TPGS2: variants seen among roughly 807,000 people sequenced by gnomAD.
The protein encoded by TPGS2 is tubulin polyglutamylase complex subunit 2, also known as polyglutamylase subunit 2.
A neutral mutation model predicts 31.1 loss-of-function variants in TPGS2; 26 were observed. The ratio of observed to expected loss-of-function variants is 0.84; its 90% confidence interval spans 0.61 to 1.16. TPGS2 has a LOEUF of 1.16. Ranked by LOEUF, TPGS2 falls within the 50% of genes most tolerant of loss-of-function variation. The pLI is 0.00. For synonymous variants in TPGS2, 130 were observed against 136.6 expected, an observed-to-expected ratio of 0.95 and a Z score of 0.34; for missense variants, 351 against 363.8, an observed-to-expected ratio of 0.96 and a Z score of 0.29.
rs112377921 is a variant in TPGS2 at position 36,802,104 on chromosome 18, A to G, written c.383-1793T>C. On this transcript the variant is annotated intron_variant, in intron 4 of 6. Coordinates refer to ENST00000334295, the MANE Select transcript of TPGS2 (RefSeq NM_015476.4). ...AATAATCCAAACCACTGCATTTTTC[A>G]TATCAGTGCTTGAAAATCACTGTTT... Among the ~76,000 whole-genome samples the G allele has an allele frequency of 5.2e-3, 786 of 152,314 alleles. 7 individuals carry two copies. The highest frequency in any genetic ancestry group is 0.018 in the African/African-American group (748 of 41,560).
intron 4 of TPGS2, among the ~76,000 whole-genome samples, chr18:36,803,565 C>G (rs937928617): frequency 6.6e-6 from 1 of 152,236 alleles, no homozygotes; most frequent in Non-Finnish European, 1.5e-5. Context: ...GCCTTTCCAT[C>G]TATTTTCTCT....
intron 4 of TPGS2, among the ~76,000 whole-genome samples, chr18:36,800,564 G>A (rs532068166): frequency 1.3e-4 from 20 of 152,230 alleles, no homozygotes; most frequent in Non-Finnish European, 2.8e-4. Flanking sequence ...GCATGAGAAA[G>A]CAAACTTCTT....
downstream of TPGS2, among the ~76,000 whole-genome samples, chr18:36,780,804 GGGCACTTATTATGAAT>G (rs2043991481): frequency 6.6e-6 from 1 of 152,178 alleles, no homozygotes; most frequent in African/African-American, 2.4e-5. Flanking sequence ...CCCCTCTATA[GGGCACTTATTATGAAT>G]GGAGCTTGCA....
rs112761487 is a variant in TPGS2 at position 36,797,253 on chromosome 18, T to G, written c.658-203A>C. Among the ~76,000 whole-genome samples, 237 of 152,234 alleles carry G rather than the reference T, an allele frequency of 1.6e-3. 1 individual carries two copies. The highest frequency in any genetic ancestry group is 5.6e-3 in the African/African-American group (233 of 41,526). On this transcript the variant is annotated intron_variant, in intron 6 of 6. Transcript: ENST00000334295. ...CCTCTGGTAAGATAGACACATTGCT[T>G]TATGAGGTCTCAGGACCTTTAAGAT...
At position 36,807,766 on chromosome 18, in the gene TPGS2, T is replaced by C. The variant is rs956189005; in HGVS notation, c.253+81A>G. ...ATGAAAACCATCCAGATTCAAAGAC[T>C]CAAAAGTCGAAGGGCCCTCAGAGTT... On this transcript the variant is annotated intron_variant, in intron 3 of 6. Coordinates refer to ENST00000334295, the MANE Select transcript of TPGS2 (RefSeq NM_015476.4). 121 of 1,326,986 alleles carry C rather than the reference T, an allele frequency of 9.1e-5. No individual in the cohort carries two copies. In the South Asian group the frequency reaches 1.5e-3, roughly 16 times the overall value. 82.2% of individuals were successfully genotyped at this position (1,326,986 alleles called of 1,614,324 possible). A position where few individuals can be genotyped will look rare whatever the true frequency, so the allele number is the denominator to read the frequency against.
At chr18:36,788,210 T>C (rs2044190347) in intron 6 of TPGS2, among the ~76,000 whole-genome samples, 1 of 131,210 alleles carries the variant, frequency 7.6e-6, no homozygotes. Context: ...CCATCTATTT[T>C]AGAATCTAAT....
In TPGS2 at chr18:36,799,536, C is replaced by T. The variant is rs142666729; in HGVS notation, c.496+662G>A. Reference sequence around the variant, plus strand: ...ACTCCACCAAATCCTCCTCCCCACCCGGTATCTAATTCCTACCCCACAGTT... The same window carrying T: ...ACTCCACCAAATCCTCCTCCCCACCTGGTATCTAATTCCTACCCCACAGTT... On this transcript the variant is annotated intron_variant, in intron 5 of 6. Transcript: ENST00000334295. Among the ~76,000 whole-genome samples, 9 of 152,296 alleles carry T rather than the reference C, an allele frequency of 5.9e-5. No homozygotes were observed. The East Asian group carries it at 1.4e-3, about 23-fold the overall frequency.
At chr18:36,786,442 C>T (rs1415955278) in intron 6 of TPGS2, 1 of 154,080 alleles carries the variant, frequency 6.5e-6, no homozygotes, top group Non-Finnish European at 1.4e-5. Flanking sequence ...TGGTCTCGAT[C>T]TTCTGACCTT....
Position 36,796,054 on chromosome 18 carries a change from G to A in TPGS2, c.*751C>T, listed in dbSNP as rs774810717. 2.3e-5 allele frequency: 23 copies of A among 985,316 alleles called. No individual in the cohort carries two copies. Among genetic ancestry groups the A allele is most frequent in the Non-Finnish European group, 2.7e-5 (22 of 829,934 alleles). The allele number at this position is 985,316 out of a possible 1,614,324, so 61.0% of individuals were successfully genotyped here. On this transcript the variant is annotated 3_prime_UTR_variant, in exon 7 of 7. Transcript: ENST00000334295. ...CATCATAACACAAAACTGGAAGCAA[G>A]AAACTTCACTGGAAACTGATGAGGA...
chr18:36,788,641 G>C (rs1213786983), intron 6 of TPGS2: 2 of 152,154 alleles, frequency 1.3e-5, no homozygotes, highest in African/African-American at 4.8e-5. Flanking sequence ...TGCTGTGGAA[G>C]AAAGATTAAC....
intron 1 of TPGS2, among the ~76,000 whole-genome samples, chr18:36,826,404 C>CTG (rs34742069): frequency 0.14 from 20,200 of 146,236 alleles, 1,778 homozygotes; most frequent in African/African-American, 0.27. Flanking sequence ...GGTGTATAGG[C>CTG]TGTGTGTGTG....
intron 2 of TPGS2, among the ~76,000 whole-genome samples, chr18:36,809,567 C>T (rs1429987865): frequency 6.6e-6 from 1 of 152,192 alleles, no homozygotes; most frequent in Admixed American, 6.5e-5. Context: ...AATGGGCTTG[C>T]TCCTAGTGCC....
intron 2 of TPGS2, among the ~76,000 whole-genome samples, chr18:36,818,041 T>G (rs374392515): frequency 1.3e-5 from 2 of 152,312 alleles, no homozygotes; most frequent in East Asian, 3.9e-4. Flanking sequence ...AAGCCCTAAA[T>G]GTCCTGGTCC....
At chr18:36,815,917 C>T (rs1161661728) in intron 2 of TPGS2, among the ~76,000 whole-genome samples, 1 of 152,070 alleles carries the variant, frequency 6.6e-6, no homozygotes, top group Non-Finnish European at 1.5e-5. Flanking sequence ...TCTTGAACTC[C>T]TGGCCTCAAG....
chr18:36,824,182 G>A (rs1281734882), intron 1 of TPGS2, among the ~76,000 whole-genome samples: 1 of 152,194 alleles, frequency 6.6e-6, no homozygotes, highest in Non-Finnish European at 1.5e-5. Context: ...CATCCATGTT[G>A]TAGGATCAGT....
chr18:36,793,024 CTGT>C (rs2044368478), downstream of TPGS2, among the ~76,000 whole-genome samples: 1 of 152,172 alleles, frequency 6.6e-6, no homozygotes, highest in Non-Finnish European at 1.5e-5. Flanking sequence ...ACTTAACCTC[CTGT>C]TGTTGGGTCT....
Position 36,795,838 on chromosome 18 carries a change from G to A in TPGS2, c.*967C>T. 4.1e-6 allele frequency: 4 copies of A among 985,506 alleles called. No individual in the cohort carries two copies. The highest frequency in any genetic ancestry group is 4.8e-6 in the Non-Finnish European group (4 of 829,964). The allele number at this position is 985,506 out of a possible 1,614,324, so 61.0% of individuals were successfully genotyped here. ...GTGAGGCTGGACAACTCAGAGCTGTGAAGAGGCAGGCAGAGCAGGTGGAAA... is the reference window on the plus strand; with the variant it reads ...GTGAGGCTGGACAACTCAGAGCTGTAAAGAGGCAGGCAGAGCAGGTGGAAA... On this transcript the variant is annotated 3_prime_UTR_variant, in exon 7 of 7. Coordinates refer to ENST00000334295, the MANE Select transcript of TPGS2 (RefSeq NM_015476.4).
chr18:36,803,971 C>A (rs1276183830), intron 4 of TPGS2, among the ~76,000 whole-genome samples: 1 of 151,996 alleles, frequency 6.6e-6, no homozygotes, highest in Non-Finnish European at 1.5e-5. Context: ...GTGATCACAG[C>A]ATGCTACAGC....
downstream of TPGS2, among the ~76,000 whole-genome samples, chr18:36,781,450 G>A (rs1323893328): frequency 6.6e-6 from 1 of 152,130 alleles, no homozygotes; most frequent in Admixed American, 6.5e-5. Context: ...TCAGGAGATC[G>A]AGACCATCCT....
Sources: allele counts gnomAD v4.1 joint callset (sites outside exome capture counted in the v4.1 genomes callset), GRCh38; gene constraint gnomAD v4.1.1; transcripts MANE v1.5; gene names NCBI Gene and HGNC (gene_info 2026-07-23, HGNC 2026-07-21).